The following CELF2 variants were observed in gnomAD, a reference collection of about 807,000 sequenced individuals.
CELF2 encodes CUGBP Elav-like family member 2, also known as CUG triplet repeat RNA-binding protein 2.
Under a neutral mutation model 62.6 loss-of-function variants are expected in CELF2, and 8 were observed. The ratio of observed to expected loss-of-function variants is 0.13; its 90% CI spans 0.07 to 0.23. CELF2 has a LOEUF of 0.23. CELF2 is among the 10% of genes least tolerant of loss of function. The pLI, the probability that CELF2 is intolerant of heterozygous loss-of-function variation, is 1.00. For synonymous variants in CELF2, 258 were observed against 250.0 expected (o/e 1.03, Z -0.30); for missense variants, 333 against 671.0 (o/e 0.50, Z 5.56).
At chr10:10,525,196 G>A in the CELF2 span, among the ~76,000 whole-genome samples, 136,962 of 151,914 alleles carry the variant, frequency 0.9, 62,398 homozygotes, top group South Asian at 0.97. Context: ...GTTAATAACT[G>A]CAGTCACCAC....
the CELF2 span, among the ~76,000 whole-genome samples, chr10:10,543,482 A>T: frequency 6.6e-6 from 1 of 152,198 alleles, no homozygotes; most frequent in Non-Finnish European, 1.5e-5. Flanking sequence ...GAGGACCAGG[A>T]ACATCACAGA....
chr10:10,651,872 G>A, the CELF2 span, among the ~76,000 whole-genome samples: 1 of 150,710 alleles, frequency 6.6e-6, no homozygotes, highest in African/African-American at 2.4e-5. Context: ...GCTGGATGGA[G>A]AATGACTTTG....
chr10:10,588,339 C>G, the CELF2 span, among the ~76,000 whole-genome samples: 1 of 152,138 alleles, frequency 6.6e-6, no homozygotes, highest in Non-Finnish European at 1.5e-5. Flanking sequence ...ACCAGTGACC[C>G]TAGCTCCAAC....
At chr10:10,589,380 G>A in the CELF2 span, among the ~76,000 whole-genome samples, 36 of 152,322 alleles carry the variant, frequency 2.4e-4, no homozygotes, top group Non-Finnish European at 4.4e-4. Context: ...CTTAAGGTCT[G>A]TGTTGATGTT....
Position 10,957,309 on chromosome 10 carries a change from T to G in CELF2, c.89+37310T>G, listed in dbSNP as rs1475245444. Among the ~76,000 whole-genome samples, 2 of 152,246 alleles carry G rather than the reference T, an allele frequency of 1.3e-5. No homozygotes were observed. The highest frequency in any genetic ancestry group is 4.8e-5 in the African/African-American group (2 of 41,482). On this transcript the variant is annotated intron_variant, in intron 2 of 13. Transcript: ENST00000636488. The surrounding 1 kb of genome is among the most constrained non-coding windows in gnomAD (Gnocchi z 4.1). ...GAAGTACATTACAGGTAATGGTACA[T>G]TAGCGCTGTGATTGAATTAACATTC...
intron 2 of CELF2, chr10:10,923,784 C>A (rs1252942085): frequency 6.6e-6 from 1 of 152,218 alleles, no homozygotes; most frequent in Non-Finnish European, 1.5e-5. Flanking sequence ...CCATGCCGAT[C>A]TCTTTATGTT....
intron 1 of CELF2, among the ~76,000 whole-genome samples, chr10:10,904,938 C>T (rs531312719): frequency 5.3e-5 from 8 of 152,224 alleles, no homozygotes; most frequent in African/African-American, 1.2e-4. Context: ...TCTCTCATTT[C>T]GTCCTTTAGA....
Position 11,156,238 on chromosome 10 carries a change from C to T in CELF2, c.75-9248C>T, listed in dbSNP as rs905174276. 3.3e-5 allele frequency among the ~76,000 whole-genome samples: 5 copies of T among 152,068 alleles called. No homozygotes were observed. In the South Asian group the frequency reaches 6.2e-4, roughly 19 times the overall value. On this transcript the variant is annotated intron_variant, in intron 1 of 12. Transcript: ENST00000633077. This position sits in a 1 kb window ranked among gnomAD's most constrained non-coding sequence, Gnocchi z 4.3. ...GACTAGTAATAGGTGTGTTGACTCT[C>T]GGATTTAATAGGACGGCACTGGACG...
intron 2 of CELF2, among the ~76,000 whole-genome samples, chr10:11,197,351 T>G (rs1165655515): frequency 6.6e-6 from 1 of 152,184 alleles, no homozygotes; most frequent in Non-Finnish European, 1.5e-5. Flanking sequence ...TCCATTCATA[T>G]GGGTAAAAAA....
chr10:10,905,196 A>G (rs974893162), intron 1 of CELF2, among the ~76,000 whole-genome samples: 1 of 152,256 alleles, frequency 6.6e-6, no homozygotes, highest in Admixed American at 6.5e-5. Flanking sequence ...CATACTACGT[A>G]ATAATTGGTG....
Position 11,285,825 on chromosome 10 carries a change from T to TGGTG in CELF2, c.842-2592_842-2589dup, listed in dbSNP as rs1439469569. 1.1e-4 allele frequency among the ~76,000 whole-genome samples: 12 copies of TGGTG among 114,182 alleles called. No homozygotes were observed. The highest frequency in any genetic ancestry group is 3.9e-4 in the African/African-American group (12 of 31,132). 74.9% of individuals were successfully genotyped at this position (114,182 alleles called of 152,430 possible). ...TTTGCTCATCACCTACTATATATAT[T>TGGTG]GGTGTGTGTGTGTGTGTGTGTGTGT... On this transcript the variant is annotated intron_variant, in intron 8 of 12. Coordinates refer to ENST00000633077, the MANE Select transcript of CELF2 (RefSeq NM_001326342.2). This position sits in a 1 kb window ranked among gnomAD's most constrained non-coding sequence, Gnocchi z 4.3.
At chr10:10,480,781 C>T in the CELF2 span, among the ~76,000 whole-genome samples, 3 of 152,168 alleles carry the variant, frequency 2.0e-5, no homozygotes, top group Non-Finnish European at 4.4e-5. Context: ...CATAGAGAAT[C>T]ATCAACATCC....
At chr10:10,979,846 G>C (rs1195892853) in intron 2 of CELF2, among the ~76,000 whole-genome samples, 1 of 152,168 alleles carries the variant, frequency 6.6e-6, no homozygotes. Context: ...TAACAGTAAA[G>C]TGAAAAAGGA....
At chr10:11,307,544 G>C (rs1363995657) in intron 9 of CELF2, among the ~76,000 whole-genome samples, 2 of 152,190 alleles carry the variant, frequency 1.3e-5, no homozygotes, top group Non-Finnish European at 1.5e-5. Flanking sequence ...TCTAAAAATG[G>C]TGCCAAATAC....
chr10:10,912,989 G>C (rs1016712268), intron 1 of CELF2, among the ~76,000 whole-genome samples: 24 of 152,140 alleles, frequency 1.6e-4, no homozygotes, highest in African/African-American at 3.9e-4. Context: ...TAAATGGCCT[G>C]GAATAGTGGC....
intron 8 of CELF2, among the ~76,000 whole-genome samples, chr10:11,278,639 CT>C (rs1228208461): frequency 6.6e-6 from 1 of 152,134 alleles, no homozygotes; most frequent in Non-Finnish European, 1.5e-5. Flanking sequence ...AACAAAGCTC[CT>C]TTTAAAAATC....
the CELF2 span, among the ~76,000 whole-genome samples, chr10:10,770,303 G>A: frequency 6.6e-6 from 1 of 152,070 alleles, no homozygotes; most frequent in Non-Finnish European, 1.5e-5. Context: ...CTGCACTCCA[G>A]CCTGGGCGAC....
Position 11,208,005 on chromosome 10 carries a change from G to A in CELF2, c.272-9420G>A, listed in dbSNP as rs117249569. Among the ~76,000 whole-genome samples, 591 of 152,314 alleles carry A rather than the reference G, an allele frequency of 3.9e-3. 1 individual carries two copies. Among genetic ancestry groups the A allele is most frequent in the Non-Finnish European group, 6.2e-3 (419 of 68,014 alleles). ...CAGAGTGTGAAGCAGATCTTTCAGA[G>A]TGAGGTGGACCCTGTTAGAGGTGGT... On this transcript the variant is annotated intron_variant, in intron 2 of 12. Transcript: ENST00000633077.
chr10:11,208,080 G>A (rs1004818363), intron 2 of CELF2, among the ~76,000 whole-genome samples: 10 of 152,134 alleles, frequency 6.6e-5, no homozygotes, highest in African/African-American at 1.7e-4. Context: ...GGTGCTCATC[G>A]ACTCGTGGTT....
Sources: allele counts gnomAD v4.1 joint callset (sites outside exome capture counted in the v4.1 genomes callset), GRCh38; gene constraint gnomAD v4.1.1; non-coding constraint Gnocchi (gnomAD v3.1); transcripts MANE v1.5; gene names NCBI Gene and HGNC (gene_info 2026-07-23, HGNC 2026-07-21).